The following VPS26A variants were observed in gnomAD, a reference collection of about 807,000 sequenced individuals.
The protein encoded by VPS26A is VPS26 retromer complex component A.
In VPS26A, 22 loss-of-function variants were observed where a neutral mutation model predicts 42.4. The observed-to-expected ratio is 0.52, with a 90% CI of 0.37 to 0.74. The LOEUF is 0.74. Among genes scored for constraint, VPS26A ranks in the 30% least tolerant of loss-of-function variants. The probability of loss-of-function intolerance (pLI) is 0.00; values close to 1 mark genes in which losing one functional copy is unlikely to be tolerated. For synonymous variants in VPS26A, 110 were observed against 123.5 expected (o/e 0.89, Z 0.73); for missense variants, 276 against 379.2 (o/e 0.73, Z 2.26).
rs1205896254 is a variant in VPS26A, at chr10:69,169,616, GT to G, written c.870+995del. ...CCAGCCTCTAATCCTTTTTTTTTAA[GT>G]TTTTTTTTTGAGACAGAGTCTCGCT... On this transcript the variant is annotated intron_variant, in intron 8 of 8. Coordinates refer to ENST00000263559, the MANE Select transcript of VPS26A (RefSeq NM_004896.5). Among the ~76,000 whole-genome samples, 7 of 140,224 alleles carry G rather than the reference GT, an allele frequency of 5.0e-5. No individual in the cohort carries two copies. In the South Asian group the frequency reaches 1.4e-3, roughly 27 times the overall value. 92.0% of individuals were successfully genotyped at this position (140,224 alleles called of 152,430 possible). A position where few individuals can be genotyped will look rare whatever the true frequency, so the allele number is the denominator to read the frequency against.
intron 2 of VPS26A, among the ~76,000 whole-genome samples, chr10:69,143,584 C>G (rs1353976847): frequency 6.6e-6 from 1 of 152,162 alleles, no homozygotes; most frequent in Non-Finnish European, 1.5e-5. Context: ...AGAGTTCTCT[C>G]TAAGCATTTT....
chr10:69,156,972 A>C (rs1206725294), intron 3 of VPS26A, 35 bp from the exon 4 acceptor site: 41 of 1,545,968 alleles, frequency 2.7e-5, no homozygotes, highest in Non-Finnish European at 3.5e-5. Context: ...ATGGCTATTA[A>C]ATAATTGGTC....
At chr10:69,164,883 T>G (rs1264239811) in intron 6 of VPS26A, among the ~76,000 whole-genome samples, 3 of 152,052 alleles carry the variant, frequency 2.0e-5, no homozygotes, top group Non-Finnish European at 4.4e-5. Context: ...GCTTTTTGAT[T>G]TTAATATATA....
At chr10:69,166,354 T>A (rs1841687546) in intron 7 of VPS26A, among the ~76,000 whole-genome samples, 1 of 152,254 alleles carries the variant, frequency 6.6e-6, no homozygotes, top group Admixed American at 6.5e-5. Flanking sequence ...GTATCTATTC[T>A]CTAGTTTTGA....
chr10:69,169,243 C>T (rs1444732821), intron 8 of VPS26A, among the ~76,000 whole-genome samples: 1 of 150,232 alleles, frequency 6.7e-6, no homozygotes, highest in Non-Finnish European at 1.5e-5. Flanking sequence ...AACAAATATA[C>T]ATTATTATTA....
chr10:69,158,182 A>G lies in VPS26A; in HGVS notation c.522A>G (p.Leu174=), dbSNP rs779907303. Residue 174 remains leucine (L), a synonymous_variant, in exon 5 of 9, where the codon CTA becomes CTG. Coordinates refer to ENST00000263559, the MANE Select transcript of VPS26A (RefSeq NM_004896.5). ...IKMEVGIEDC[L]HIEFEYNKSK... is the part of the protein sequence containing the mutation. ...TGGAAGTGGGCATTGAAGATTGTCT[A>G]CATATAGAATTTGAATATAATAAAT... 8.7e-6 allele frequency: 14 copies of G among 1,602,096 alleles called. No individual in the cohort carries two copies. The highest frequency in any genetic ancestry group is 2.2e-5 in the East Asian group (1 of 44,584).
chr10:69,128,450 T>G lies in VPS26A; in HGVS notation c.3+4170T>G, dbSNP rs979063612. Among the ~76,000 whole-genome samples the G allele has an allele frequency of 5.9e-5, 9 of 151,966 alleles. No homozygotes were observed. In the East Asian group the frequency reaches 1.8e-3, roughly 30 times the overall value. Reference sequence around the variant, plus strand: ...TTTCACCGTGTTAGTCAGGATGGTCTCGATCTCCTGACCTTGTGATCCTCC... The same window carrying G: ...TTTCACCGTGTTAGTCAGGATGGTCGCGATCTCCTGACCTTGTGATCCTCC... On this transcript the variant is annotated intron_variant, in intron 1 of 8. Coordinates refer to ENST00000263559, the MANE Select transcript of VPS26A (RefSeq NM_004896.5).
intron 7 of VPS26A, among the ~76,000 whole-genome samples, chr10:69,167,504 G>T (rs1348648816): frequency 6.6e-6 from 1 of 151,814 alleles, no homozygotes; most frequent in Non-Finnish European, 1.5e-5. Flanking sequence ...GGGAGGCCAA[G>T]GTGGGTGGAT....
chr10:69,130,287 T>C (rs1274182599), intron 1 of VPS26A, among the ~76,000 whole-genome samples: 2 of 152,212 alleles, frequency 1.3e-5, no homozygotes, highest in Non-Finnish European at 2.9e-5. Flanking sequence ...TAAGTAAGCC[T>C]TGTGAAACCT....
At chr10:69,159,267 G>T (rs1463154256) in intron 5 of VPS26A, among the ~76,000 whole-genome samples, 2 of 151,920 alleles carry the variant, frequency 1.3e-5, no homozygotes, top group African/African-American at 4.8e-5. Flanking sequence ...TGTAATCCCA[G>T]CTACTTGGGA....
chr10:69,139,965 GA>G (rs1162630702), intron 2 of VPS26A, among the ~76,000 whole-genome samples: 3 of 151,936 alleles, frequency 2.0e-5, no homozygotes, highest in African/African-American at 7.3e-5. Context: ...CTTGTCTGTA[GA>G]AATGCCATTC....
intron 6 of VPS26A, among the ~76,000 whole-genome samples, chr10:69,164,853 T>A (rs570113734): frequency 2.6e-5 from 4 of 152,224 alleles, no homozygotes; most frequent in South Asian, 2.1e-4. Context: ...TGTCCTGATA[T>A]CTTTTATTGT....
At chr10:69,137,422 G>A (rs1040700972) in intron 2 of VPS26A, among the ~76,000 whole-genome samples, 7 of 152,136 alleles carry the variant, frequency 4.6e-5, no homozygotes, top group Admixed American at 4.6e-4. Flanking sequence ...AGGCTCACTG[G>A]TTTTTGGCAG....
intron 7 of VPS26A, among the ~76,000 whole-genome samples, chr10:69,167,768 A>AAAAAG (rs1554856138): frequency 6.7e-6 from 1 of 149,422 alleles, no homozygotes. Flanking sequence ...AAAAAAAAGA[A>AAAAAG]TATGCAAAGA....
In VPS26A at chr10:69,171,369, G is replaced by GT. The variant is rs1841811474; in HGVS notation, c.*100_*101insT. 1.1e-6 allele frequency: 1 copy of GT among 913,858 alleles called. No individual in the cohort carries two copies. Among genetic ancestry groups the GT allele is most frequent in the Non-Finnish European group, 1.7e-6 (1 of 585,990 alleles). The allele number at this position is 913,858 out of a possible 1,614,324, so 56.6% of individuals were successfully genotyped here. On this transcript the variant is annotated 3_prime_UTR_variant, in exon 9 of 9. Coordinates refer to ENST00000263559, the MANE Select transcript of VPS26A (RefSeq NM_004896.5). ...TTGCAGCTGGAGGGGGCGGAAAAAG[G>GT]CCAAAACTCCATATATGTTAGTCTT... is the stretch of plus-strand genomic sequence containing the variant.
intron 3 of VPS26A, among the ~76,000 whole-genome samples, chr10:69,156,288 C>T (rs889844134): frequency 6.6e-6 from 1 of 151,772 alleles, no homozygotes; most frequent in Non-Finnish European, 1.5e-5. Context: ...CTTGTGTCAA[C>T]ACACAATTCC....
At chr10:69,163,779 T>C (rs1589363918) in intron 6 of VPS26A, among the ~76,000 whole-genome samples, 1 of 150,846 alleles carries the variant, frequency 6.6e-6, no homozygotes, top group East Asian at 1.9e-4. Flanking sequence ...TTTTTTTTTT[T>C]TTTTGAGACG....
At chr10:69,134,802 AAAG>A (rs1295075943) in intron 2 of VPS26A, among the ~76,000 whole-genome samples, 1 of 152,162 alleles carries the variant, frequency 6.6e-6, no homozygotes, top group Non-Finnish European at 1.5e-5. Flanking sequence ...AAAGATGAAA[AAAG>A]AAAAAGGCCA....
chr10:69,144,338 C>T (rs919617641), intron 2 of VPS26A, among the ~76,000 whole-genome samples: 6 of 152,162 alleles, frequency 3.9e-5, no homozygotes, highest in Admixed American at 6.6e-5. Flanking sequence ...TGCATAATGT[C>T]ATGTATCCAT....
Sources: allele counts gnomAD v4.1 joint callset (sites outside exome capture counted in the v4.1 genomes callset), GRCh38; gene constraint gnomAD v4.1.1; transcripts MANE v1.5; gene names NCBI Gene and HGNC (gene_info 2026-07-23, HGNC 2026-07-21).